NAA20: variants seen among roughly 807,000 people sequenced by gnomAD.
NAA20 encodes the protein N-alpha-acetyltransferase 20, NatB catalytic subunit, also known as N-alpha-acetyltransferase 20.
A neutral mutation model predicts 23.8 loss-of-function variants in NAA20; 24 were observed. The observed-to-expected ratio is 1.01, with a 90% CI of 0.73 to 1.42. The LOEUF (loss-of-function observed/expected upper bound fraction) is 1.42, where lower values mean the gene tolerates loss of function less well. NAA20 is among the 40% of genes most tolerant of loss of function. The pLI is 0.00. For synonymous variants in NAA20, 83 were observed against 77.7 expected, an observed-to-expected ratio of 1.07 and a Z score of -0.36; for missense variants, 166 against 223.1, an observed-to-expected ratio of 0.74 and a Z score of 1.63.
Position 20,032,590 on chromosome 20 carries a change from G to A in NAA20, c.388G>A (p.Val130Ile). 1 of 1,613,710 alleles carries A rather than the reference G, an allele frequency of 6.2e-7. No individual in the cohort carries two copies. The highest frequency in any genetic ancestry group is 8.5e-7 in the Non-Finnish European group (1 of 1,179,810). ...CATGTACAAGCAGTTGGGCTACAGT[G>A]TATATAGGACGGTCATAGAGTACTA... ...VNMYKQLGYSVYRTVIEYYSA... is the reference protein window; with the variant it reads ...VNMYKQLGYSIYRTVIEYYSA... Residue 130 changes from valine (V) to isoleucine (I), a missense_variant, in exon 5 of 6, where the codon GTA becomes ATA. Physicochemically the swap from Val to Ile is conservative, Grantham distance 29. Coordinates refer to ENST00000334982, the MANE Select transcript of NAA20 (RefSeq NM_016100.5).
intron 1 of NAA20, 83 bp downstream of exon 1, chr20:20,017,532 TC>T: frequency 6.6e-7 from 1 of 1,516,170 alleles, no homozygotes; most frequent in Non-Finnish European, 8.9e-7. Context: ...AGCCGCGCCT[TC>T]CCGGCCGGAC....
chr20:20,022,662 T>G, intron 2 of NAA20, 182 bp downstream of exon 2: 1 of 532,386 alleles, frequency 1.9e-6, no homozygotes, highest in South Asian at 2.7e-5. Flanking sequence ...GTCTTAGATC[T>G]GCTGACAAAC....
Position 20,017,536 on chromosome 20 carries a change from G to A in NAA20, c.53+87G>A, listed in dbSNP as rs1337199220. 5 of 1,508,590 alleles carry A rather than the reference G, an allele frequency of 3.3e-6. No individual in the cohort carries two copies. The African/African-American group carries it at 4.3e-5, about 13-fold the overall frequency. The allele number at this position is 1,508,590 out of a possible 1,614,324, so 93.5% of individuals were successfully genotyped here. A position where few individuals can be genotyped will look rare whatever the true frequency, so the allele number is the denominator to read the frequency against. ...GCTCCGGCCCCAGCCGCGCCTTCCCGGCCGGACCCCAAGCCCGGACGGGGA... is the reference window on the plus strand; with the variant it reads ...GCTCCGGCCCCAGCCGCGCCTTCCCAGCCGGACCCCAAGCCCGGACGGGGA... On this transcript the variant is annotated intron_variant, in intron 1 of 5. Transcript: ENST00000334982.
At chr20:20,022,712 G>A in intron 2 of NAA20, 1 of 434,884 alleles carries the variant, frequency 2.3e-6, no homozygotes, top group Non-Finnish European at 4.0e-6. Context: ...TAACATCATA[G>A]CTCCCCTGCC....
intron 1 of NAA20, chr20:20,017,759 C>A: frequency 7.0e-7 from 1 of 1,436,210 alleles, no homozygotes; most frequent in Non-Finnish European, 9.1e-7. Flanking sequence ...TGTCAGGAGG[C>A]GCTGGGGTGA....
chr20:20,024,298 G>A (rs913124888), intron 2 of NAA20, among the ~76,000 whole-genome samples: 28 of 152,256 alleles, frequency 1.8e-4, no homozygotes, highest in African/African-American at 6.7e-4. Context: ...TTGAGAAACA[G>A]GAAATGACCC....
chr20:20,017,752 C>G, intron 1 of NAA20: 7 of 1,433,444 alleles, frequency 4.9e-6, no homozygotes, highest in Non-Finnish European at 6.4e-6. Context: ...TGGTCGCTGT[C>G]AGGAGGCGCT....
intron 1 of NAA20, chr20:20,018,236 A>G: frequency 3.1e-6 from 2 of 644,414 alleles, no homozygotes; most frequent in South Asian, 3.9e-5. Flanking sequence ...ACATTTTATT[A>G]TGAAGATTCC....
intron 1 of NAA20, among the ~76,000 whole-genome samples, chr20:20,022,081 C>G (rs1421843676): frequency 6.6e-6 from 1 of 152,100 alleles, no homozygotes. Flanking sequence ...CGGGGAGGAT[C>G]CATGGGGTTG....
chr20:20,032,704 C>T, intron 5 of NAA20, 51 bp downstream of exon 5: 1 of 1,512,992 alleles, frequency 6.6e-7, no homozygotes, highest in African/African-American at 1.4e-5. Context: ...CAGTTACATT[C>T]TTTCTACAGA....
At chr20:20,017,578 C>A (rs909462329) in intron 1 of NAA20, 129 bp downstream of exon 1, 4 of 1,353,164 alleles carry the variant, frequency 3.0e-6, no homozygotes, top group African/African-American at 3.1e-5. Context: ...AGAACCACCC[C>A]CCGCCGGCCA....
intron 1 of NAA20, chr20:20,018,144 A>G: frequency 6.5e-7 from 1 of 1,534,284 alleles, no homozygotes; most frequent in East Asian, 2.3e-5. Flanking sequence ...CGCTGTGCCC[A>G]GAGCCCTGGA....
At chr20:20,022,012 G>A (rs1027738163) in intron 1 of NAA20, among the ~76,000 whole-genome samples, 14 of 152,294 alleles carry the variant, frequency 9.2e-5, no homozygotes, top group Admixed American at 9.2e-4. Flanking sequence ...AGTGGTGGGA[G>A]TGACCACATT....
At chr20:20,020,142 T>A (rs6136913) in intron 1 of NAA20, among the ~76,000 whole-genome samples, 50,316 of 152,128 alleles carry the variant, frequency 0.33, 10,001 homozygotes, top group Non-Finnish European at 0.44. Context: ...CTAAACACCT[T>A]AATGTATCAT....
intron 4 of NAA20, among the ~76,000 whole-genome samples, chr20:20,030,773 G>A (rs1240356121): frequency 2.6e-5 from 4 of 151,858 alleles, no homozygotes; most frequent in African/African-American, 9.7e-5. Context: ...AAATCCACAA[G>A]AATCTAGAAA....
At chr20:20,018,153 G>C in intron 1 of NAA20, 1 of 1,507,646 alleles carries the variant, frequency 6.6e-7, no homozygotes, top group Non-Finnish European at 9.2e-7. Flanking sequence ...CAGAGCCCTG[G>C]ATGCAGTTTC....
At chr20:20,017,338 C>G (rs961201175), upstream of NAA20, 31 of 1,604,068 alleles carry the variant, frequency 1.9e-5, no homozygotes, top group Admixed American at 5.2e-4. Context: ...CTCCGGGAGA[C>G]TTCCGGCAGG....
intron 1 of NAA20, chr20:20,018,230 T>C: frequency 1.5e-6 from 1 of 673,762 alleles, no homozygotes; most frequent in East Asian, 2.7e-5. Context: ...AAGAAAACAT[T>C]TTATTATGAA....
chr20:20,024,828 A>C (rs1048380458), intron 2 of NAA20, among the ~76,000 whole-genome samples: 8 of 152,232 alleles, frequency 5.3e-5, no homozygotes, highest in Non-Finnish European at 1.2e-4. Context: ...GGTCCTTCAG[A>C]GGAGATTTTG....
Sources: gnomAD v4.1 joint callset for allele counts (sites outside exome capture counted in the v4.1 genomes callset) on GRCh38, gnomAD v4.1.1 for gene constraint, MANE v1.5 for transcripts, NCBI Gene and HGNC (gene_info 2026-07-23, HGNC 2026-07-21) for gene names.